Variants in CHIC2 observed in about 807,000 individuals in gnomAD.
The protein encoded by CHIC2 is cysteine rich hydrophobic domain 2, also known as cysteine-rich hydrophobic domain-containing protein 2.
In CHIC2, 14 loss-of-function variants were observed where a neutral mutation model predicts 25.9. That is an observed-to-expected ratio of 0.54 (90% confidence interval 0.36 to 0.85). CHIC2 has a LOEUF of 0.85. CHIC2 is among the 40% of genes least tolerant of loss of function. CHIC2 has a pLI of 0.01. For synonymous variants in CHIC2, 70 were observed against 72.0 expected (o/e 0.97, Z 0.14); for missense variants, 146 against 202.0 (o/e 0.72, Z 1.68).
intron 3 of CHIC2, among the ~76,000 whole-genome samples, chr4:54,018,603 T>A (rs1233380155): frequency 1.3e-5 from 2 of 152,148 alleles, no homozygotes; most frequent in South Asian, 4.1e-4. Flanking sequence ...ATAAAACCAA[T>A]GGAAATCTCA....
chr4:54,046,387 C>G (rs960303822), intron 3 of CHIC2, among the ~76,000 whole-genome samples: 8 of 152,154 alleles, frequency 5.3e-5, no homozygotes, highest in Non-Finnish European at 1.2e-4. Flanking sequence ...ATCACGCTAC[C>G]TGACTTCAAA....
In CHIC2 at chr4:54,064,433, G is replaced by C. The variant is rs537026801; in HGVS notation, c.-133C>G. 2 of 1,511,586 alleles carry C rather than the reference G, an allele frequency of 1.3e-6. No individual in the cohort carries two copies. Among genetic ancestry groups the C allele is most frequent in the Admixed American group, 2.4e-5 (1 of 41,190 alleles). 93.6% of individuals were successfully genotyped at this position (1,511,586 alleles called of 1,614,324 possible). ...CTCCGAGGCCGCGGAGTTCGCTGTC[G>C]GCTGTCTCGGCTCCGGCTACAGAGG... On this transcript the variant is annotated 5_prime_UTR_variant, in exon 1 of 6. Coordinates refer to ENST00000263921, the MANE Select transcript of CHIC2 (RefSeq NM_012110.4). This position sits in a 1 kb window ranked among gnomAD's most constrained non-coding sequence, Gnocchi z 4.2.
At position 54,064,421 on chromosome 4, in the gene CHIC2, G is replaced by A; in HGVS notation, c.-121C>T. On this transcript the variant is annotated 5_prime_UTR_variant, in exon 1 of 6. Transcript: ENST00000263921. This position sits in a 1 kb window ranked among gnomAD's most constrained non-coding sequence, Gnocchi z 4.2. ...CGCTGCCGCCGGCTCCGAGGCCGCG[G>A]AGTTCGCTGTCGGCTGTCTCGGCTC... 1 of 1,527,386 alleles carries A rather than the reference G, an allele frequency of 6.5e-7. No individual in the cohort carries two copies. The highest frequency in any genetic ancestry group is 8.8e-7 in the Non-Finnish European group (1 of 1,140,308). 94.6% of individuals were successfully genotyped at this position (1,527,386 alleles called of 1,614,324 possible).
At chr4:54,077,756 T>C in the CHIC2 span, among the ~76,000 whole-genome samples, 1 of 152,162 alleles carries the variant, frequency 6.6e-6, no homozygotes, top group Non-Finnish European at 1.5e-5. Context: ...TTCTGTTAGG[T>C]CTCTATAACT....
intron 3 of CHIC2, among the ~76,000 whole-genome samples, chr4:54,036,112 T>C (rs1229116897): frequency 6.6e-6 from 1 of 152,202 alleles, no homozygotes; most frequent in African/African-American, 2.4e-5. Flanking sequence ...TTTAATTACT[T>C]TGAATAAGAA....
chr4:54,045,416 C>A (rs1194835076), intron 3 of CHIC2, among the ~76,000 whole-genome samples: 2 of 152,110 alleles, frequency 1.3e-5, no homozygotes, highest in Non-Finnish European at 1.5e-5. Context: ...TACTGGCAAA[C>A]CAAATCCAGC....
At chr4:54,043,560 A>G (rs1423482815) in intron 3 of CHIC2, among the ~76,000 whole-genome samples, 2 of 152,180 alleles carry the variant, frequency 1.3e-5, no homozygotes, top group East Asian at 1.9e-4. Context: ...ACTAAGCTTC[A>G]TAAGTGAAGG....
intron 3 of CHIC2, among the ~76,000 whole-genome samples, chr4:54,023,413 C>T (rs532223705): frequency 1.3e-5 from 2 of 152,288 alleles, no homozygotes; most frequent in South Asian, 4.2e-4. Flanking sequence ...GATGCATATA[C>T]TTTCTGCTCC....
intron 3 of CHIC2, among the ~76,000 whole-genome samples, chr4:54,025,049 A>G (rs2110066769): frequency 6.6e-6 from 1 of 151,010 alleles, no homozygotes; most frequent in East Asian, 2.0e-4. Flanking sequence ...CCCCCCCAAA[A>G]TTTTTGCTGC....
At chr4:54,065,104 A>G (rs1259539386), upstream of CHIC2, among the ~76,000 whole-genome samples, 4 of 152,116 alleles carry the variant, frequency 2.6e-5, no homozygotes, top group African/African-American at 7.2e-5. Flanking sequence ...TTTTTTCCCA[A>G]TTTGAGGAGT....
chr4:54,077,765 C>A, the CHIC2 span, among the ~76,000 whole-genome samples: 1 of 152,190 alleles, frequency 6.6e-6, no homozygotes. Context: ...GTCTCTATAA[C>A]TTCATTTCTA....
At chr4:54,080,263 A>G in the CHIC2 span, among the ~76,000 whole-genome samples, 1 of 151,728 alleles carries the variant, frequency 6.6e-6, no homozygotes, top group Non-Finnish European at 1.5e-5. Context: ...CAATGAGGAC[A>G]TTATGCTAAG....
chr4:54,026,850 A>C (rs534403703), intron 3 of CHIC2, among the ~76,000 whole-genome samples: 1 of 152,142 alleles, frequency 6.6e-6, no homozygotes, highest in Non-Finnish European at 1.5e-5. Flanking sequence ...TTAAAATCTT[A>C]ATGGTTTCAT....
chr4:54,077,957 G>T, the CHIC2 span, among the ~76,000 whole-genome samples: 1 of 152,204 alleles, frequency 6.6e-6, no homozygotes, highest in African/African-American at 2.4e-5. Context: ...TCAGCATGTG[G>T]TTCTATTCTG....
At chr4:54,016,727 A>G (rs1163065477) in intron 3 of CHIC2, among the ~76,000 whole-genome samples, 1 of 152,098 alleles carries the variant, frequency 6.6e-6, no homozygotes, top group Non-Finnish European at 1.5e-5. Context: ...TGACATCTCA[A>G]TGATTTACAG....
intron 3 of CHIC2, among the ~76,000 whole-genome samples, chr4:54,028,135 G>A (rs368482078): frequency 1.3e-5 from 2 of 152,182 alleles, no homozygotes; most frequent in South Asian, 2.1e-4. Context: ...CTAAAGTACT[G>A]CAAAAGTTAA....
At chr4:54,083,430 A>C in the CHIC2 span, among the ~76,000 whole-genome samples, 1 of 152,360 alleles carries the variant, frequency 6.6e-6, no homozygotes, top group East Asian at 1.9e-4. Context: ...CAACCAATTT[A>C]TCTTTTTTCT....
chr4:54,014,257 TA>T, intron 3 of CHIC2, 138 bp from the exon 4 acceptor site: 1 of 645,088 alleles, frequency 1.6e-6, no homozygotes, highest in Non-Finnish European at 2.7e-6. Context: ...ATCGATGTTC[TA>T]AGCACTAAAT....
chr4:54,034,046 C>T lies in CHIC2; in HGVS notation c.330+14909G>A, dbSNP rs188712407. Reference sequence around the variant, plus strand: ...CTGTCAATTTCTAAAAAAAAAAAGTCCTGCTGGGAATTTAGTTTGGATTGC... The same window carrying T: ...CTGTCAATTTCTAAAAAAAAAAAGTTCTGCTGGGAATTTAGTTTGGATTGC... On this transcript the variant is annotated intron_variant, in intron 3 of 5. Transcript: ENST00000263921. Among the ~76,000 whole-genome samples, 451 of 151,622 alleles carry T rather than the reference C, an allele frequency of 3.0e-3. 1 individual carries two copies. The highest frequency in any genetic ancestry group is 0.011 in the African/African-American group (435 of 41,302).
Sources: gnomAD v4.1 joint callset for allele counts (sites outside exome capture counted in the v4.1 genomes callset) on GRCh38, gnomAD v4.1.1 for gene constraint, Gnocchi (gnomAD v3.1) non-coding constraint, MANE v1.5 for transcripts, NCBI Gene and HGNC (gene_info 2026-07-23, HGNC 2026-07-21) for gene names.